Variants in SNAP25 observed in about 807,000 individuals in gnomAD.
SNAP25 encodes synaptosomal-associated protein 25.
In SNAP25, 3 loss-of-function variants were observed where a neutral mutation model predicts 28.7. The observed-to-expected ratio is 0.10, with a 90% confidence interval of 0.05 to 0.27. SNAP25 has a LOEUF of 0.27. SNAP25 is among the 10% of genes least tolerant of loss of function. The pLI, the probability that SNAP25 is intolerant of heterozygous loss-of-function variation, is 1.00. For synonymous variants in SNAP25, 61 were observed against 88.1 expected (o/e 0.69, Z 1.72); for missense variants, 117 against 278.7 (o/e 0.42, Z 4.13).
In SNAP25 at chr20:10,306,145, C is replaced by G; in HGVS notation, c.569C>G (p.Thr190Ser). Reference protein sequence around the residue: ...RIMEKADSNKTRIDEANQRAT... With the variant: ...RIMEKADSNKSRIDEANQRAT... ...CTTTTCTAGGCTGATTCCAACAAAA[C>G]CAGAATTGATGAGGCCAACCAACGT... is the stretch of plus-strand genomic sequence containing the variant. Residue 190 changes from threonine to serine, a missense_variant, in exon 8 of 8, where the codon ACC (threonine) becomes AGC (serine). By Grantham distance (58) the Thr-to-Ser change is moderately conservative. This residue lies in a region of SNAP25 where 88 missense variants were observed against 206.9 expected (regional missense o/e 0.43). Coordinates refer to ENST00000254976, the MANE Select transcript of SNAP25 (RefSeq NM_130811.4). 1 of 1,613,606 alleles carries G rather than the reference C, an allele frequency of 6.2e-7. No individual in the cohort carries two copies. Among genetic ancestry groups the G allele is most frequent in the Non-Finnish European group, 8.5e-7 (1 of 1,179,788 alleles).
chr20:10,224,253 ATG>A (rs2062688806), intron 1 of SNAP25, among the ~76,000 whole-genome samples: 1 of 49,802 alleles, frequency 2.0e-5, no homozygotes, highest in East Asian at 4.5e-4. Flanking sequence ...GAGAATGTAC[ATG>A]TCTTTTTTTT....
rs2122745569 is a variant in SNAP25, at chr20:10,242,531, C to T, written c.-64+23554C>T. 1.3e-5 allele frequency among the ~76,000 whole-genome samples: 2 copies of T among 152,304 alleles called. 1 individual carries two copies. The highest frequency in any genetic ancestry group is 1.3e-4 in the Admixed American group (2 of 15,298). The stretch of plus-strand genomic sequence containing the variant: ...CTTGCTAGTGGAAAGTAACAGGAAT[C>T]TGGGCAGAGCACCTCCAGCATCTGT... On this transcript the variant is annotated intron_variant, in intron 1 of 7. Transcript: ENST00000254976.
At position 10,304,434 on chromosome 20, in the gene SNAP25, A is replaced by C. The variant is rs2064308814; in HGVS notation, c.553-1695A>C. Reference sequence around the variant, plus strand: ...TAGCCTACTGTTGACTGGAAGCCTTAATGACATAAAAAGTCCATTAACATC... The same window carrying C: ...TAGCCTACTGTTGACTGGAAGCCTTCATGACATAAAAAGTCCATTAACATC... On this transcript the variant is annotated intron_variant, in intron 7 of 7. Transcript: ENST00000254976. Among the ~76,000 whole-genome samples, 3 of 152,218 alleles carry C rather than the reference A, an allele frequency of 2.0e-5. 1 individual carries two copies. The highest frequency in any genetic ancestry group is 2.0e-4 in the Admixed American group (3 of 15,280).
At chr20:10,260,164 T>G (rs2063386705) in intron 1 of SNAP25, among the ~76,000 whole-genome samples, 2 of 152,184 alleles carry the variant, frequency 1.3e-5, no homozygotes, top group Non-Finnish European at 2.9e-5. Context: ...ATTTGGTAAT[T>G]CTCAGTAATT....
intron 1 of SNAP25, among the ~76,000 whole-genome samples, chr20:10,252,140 A>T (rs79732018): frequency 0.015 from 2,213 of 152,312 alleles, 60 homozygotes; most frequent in African/African-American, 0.049. Context: ...CCACGTGCAA[A>T]CTCAGTAGAG....
chr20:10,267,194 A>G (rs1474206713), intron 1 of SNAP25, among the ~76,000 whole-genome samples: 1 of 152,192 alleles, frequency 6.6e-6, no homozygotes, highest in African/African-American at 2.4e-5. Context: ...GAAATAAATA[A>G]CAAAGAACAT....
At chr20:10,245,743 A>G (rs565517611) in intron 1 of SNAP25, among the ~76,000 whole-genome samples, 3 of 152,314 alleles carry the variant, frequency 2.0e-5, no homozygotes, top group South Asian at 2.1e-4. Flanking sequence ...AGTGCTCAAC[A>G]TGTGTCTTAA....
At position 10,246,749 on chromosome 20, in the gene SNAP25, A is replaced by G. The variant is rs1439884697; in HGVS notation, c.-64+27772A>G. 2.0e-5 allele frequency among the ~76,000 whole-genome samples: 3 copies of G among 152,216 alleles called. 1 individual carries two copies. Among genetic ancestry groups the G allele is most frequent in the Middle Eastern group, 6.3e-3 (2 of 316 alleles). The stretch of plus-strand genomic sequence containing the variant: ...AGAGAAGGACAGAAGAGGAGAATAA[A>G]TATCACTAATATTCATTCTAAAGAT... On this transcript the variant is annotated intron_variant, in intron 1 of 7. Transcript: ENST00000254976.
intron 1 of SNAP25, among the ~76,000 whole-genome samples, chr20:10,244,733 C>CTT (rs112632869): frequency 0.013 from 1,872 of 140,566 alleles, 47 homozygotes; most frequent in African/African-American, 0.046. Context: ...TTCTTTCTCT[C>CTT]TTTTTTTTTT....
At chr20:10,250,223 AT>A (rs1435752984) in intron 1 of SNAP25, among the ~76,000 whole-genome samples, 2 of 152,082 alleles carry the variant, frequency 1.3e-5, no homozygotes, top group African/African-American at 4.8e-5. Flanking sequence ...TTTTAAACTT[AT>A]TTTTCAATCA....
intron 1 of SNAP25, among the ~76,000 whole-genome samples, chr20:10,237,672 A>C (rs2062948507): frequency 6.6e-6 from 1 of 152,150 alleles, no homozygotes; most frequent in Admixed American, 6.5e-5. Flanking sequence ...CATCACATCC[A>C]GTTCTCAGGA....
intron 1 of SNAP25, among the ~76,000 whole-genome samples, chr20:10,253,985 A>G (rs1389510555): frequency 1.3e-5 from 2 of 152,150 alleles, no homozygotes; most frequent in Non-Finnish European, 2.9e-5. Flanking sequence ...CAGATGGCTT[A>G]CCACCTGCTT....
At chr20:10,253,577 TC>T (rs758682306) in intron 1 of SNAP25, among the ~76,000 whole-genome samples, 19 of 152,150 alleles carry the variant, frequency 1.2e-4, no homozygotes, top group Non-Finnish European at 1.8e-4. Context: ...TCAGGGATCA[TC>T]CCTGTTACTA....
chr20:10,276,016 T>C (rs988874309), intron 2 of SNAP25, among the ~76,000 whole-genome samples: 3 of 152,250 alleles, frequency 2.0e-5, no homozygotes, highest in African/African-American at 7.2e-5. Flanking sequence ...CTTCATCACT[T>C]CCTAATTATT....
intron 7 of SNAP25, among the ~76,000 whole-genome samples, chr20:10,304,854 T>G (rs995963217): frequency 3.3e-5 from 5 of 152,180 alleles, no homozygotes; most frequent in Admixed American, 6.5e-5. Context: ...GGATGATTAG[T>G]ATCACAGAGC....
intron 1 of SNAP25, among the ~76,000 whole-genome samples, chr20:10,234,269 C>T (rs1568575426): frequency 6.6e-6 from 1 of 151,936 alleles, no homozygotes; most frequent in Non-Finnish European, 1.5e-5. Flanking sequence ...AAAACTGGGA[C>T]ATAGAAATTT....
intron 1 of SNAP25, among the ~76,000 whole-genome samples, chr20:10,228,541 G>C (rs1327750971): frequency 6.6e-6 from 1 of 152,158 alleles, no homozygotes; most frequent in East Asian, 1.9e-4. Flanking sequence ...ACAAGTTCAT[G>C]GAGCAATGGG....
intron 1 of SNAP25, among the ~76,000 whole-genome samples, chr20:10,245,195 C>T (rs2063105257): frequency 6.6e-6 from 1 of 152,196 alleles, no homozygotes; most frequent in African/African-American, 2.4e-5. Flanking sequence ...CCAAAGCCAA[C>T]TAATATTAAA....
chr20:10,245,447 A>C (rs1169638106), intron 1 of SNAP25, among the ~76,000 whole-genome samples: 2 of 152,178 alleles, frequency 1.3e-5, no homozygotes, highest in Non-Finnish European at 2.9e-5. Context: ...CTTTTAGGTC[A>C]GGAGTTTCGT....
Sources: gnomAD v4.1 joint callset for allele counts (sites outside exome capture counted in the v4.1 genomes callset) on GRCh38, gnomAD v4.1.1 for gene constraint, gnomAD v4.1.1 regional missense constraint, MANE v1.5 for transcripts, NCBI Gene and HGNC (gene_info 2026-07-23, HGNC 2026-07-21) for gene names.